The following NEGR1 variants were observed in gnomAD, a reference collection of about 807,000 sequenced individuals.
NEGR1 encodes IgLON family member 4.
In NEGR1, 10 loss-of-function variants were observed where a neutral mutation model predicts 40.9. That is an observed-to-expected ratio of 0.24 (90% confidence interval 0.15 to 0.42). The LOEUF is 0.42. Ranked by LOEUF, NEGR1 falls within the 10% of genes least tolerant of loss-of-function variation. The pLI, the probability that NEGR1 is intolerant of heterozygous loss-of-function variation, is 1.00. For missense variants in NEGR1, 352 were observed against 438.9 expected (o/e 0.80, Z 1.77); for synonymous variants, 185 against 166.8 (o/e 1.11, Z -0.84).
intron 3 of NEGR1, among the ~76,000 whole-genome samples, chr1:71,728,902 G>A (rs1368318784): frequency 6.6e-6 from 1 of 152,120 alleles, no homozygotes; most frequent in Non-Finnish European, 1.5e-5. Flanking sequence ...AGGAGGAGAA[G>A]GATAAGGGAG....
At chr1:71,597,817 G>T (rs1649775185) in intron 5 of NEGR1, among the ~76,000 whole-genome samples, 2 of 151,946 alleles carry the variant, frequency 1.3e-5, no homozygotes, top group Admixed American at 1.3e-4. Context: ...GAGGGCTGAG[G>T]CAGGAGAATT....
chr1:71,578,766 G>T (rs1469389588), intron 6 of NEGR1, among the ~76,000 whole-genome samples: 1 of 152,068 alleles, frequency 6.6e-6, no homozygotes, highest in Non-Finnish European at 1.5e-5. Context: ...TTAGAAAAAG[G>T]TTAAATATTT....
In NEGR1 at chr1:71,550,957, A is replaced by C. The variant is rs961579445; in HGVS notation, c.940+41860T>G. Among the ~76,000 whole-genome samples, 3 of 151,600 alleles carry C rather than the reference A, an allele frequency of 2.0e-5. No homozygotes were observed. In the East Asian group the frequency reaches 5.9e-4, roughly 30 times the overall value. On this transcript the variant is annotated intron_variant, in intron 6 of 6. Transcript: ENST00000357731. ...CTTAAGAATAACTTAGAACATCTAC[A>C]TCATGGGCATTATGTTGTCTCTCAG...
intron 1 of NEGR1, among the ~76,000 whole-genome samples, chr1:72,250,336 C>T (rs139944015): frequency 6.6e-6 from 1 of 152,004 alleles, no homozygotes; most frequent in Admixed American, 6.5e-5. Context: ...TAATATACTA[C>T]CCTTACCTTT....
chr1:72,212,656 A>ATCTTTGGATTATT (rs1467593258), intron 1 of NEGR1, among the ~76,000 whole-genome samples: 1 of 152,042 alleles, frequency 6.6e-6, no homozygotes, highest in Non-Finnish European at 1.5e-5. Flanking sequence ...AGAAGTAATA[A>ATCTTTGGATTATT]TCCAAATAGT....
intron 4 of NEGR1, among the ~76,000 whole-genome samples, chr1:71,642,640 C>G (rs995517885): frequency 1.3e-5 from 2 of 151,828 alleles, no homozygotes; most frequent in Admixed American, 6.6e-5. Flanking sequence ...TTTGAGATCA[C>G]AAATCAATGA....
intron 6 of NEGR1, among the ~76,000 whole-genome samples, chr1:71,476,380 T>C (rs1646820906): frequency 6.6e-6 from 1 of 152,130 alleles, no homozygotes; most frequent in African/African-American, 2.4e-5. Flanking sequence ...ATCTGGTGTG[T>C]AAATAATGTA....
chr1:71,959,509 A>T (rs928354768), intron 1 of NEGR1, among the ~76,000 whole-genome samples: 1 of 152,166 alleles, frequency 6.6e-6, no homozygotes, highest in Non-Finnish European at 1.5e-5. Context: ...AAAAACATGC[A>T]TGATAAATTG....
chr1:71,931,005 G>C (rs1055133633), intron 2 of NEGR1, among the ~76,000 whole-genome samples: 4 of 152,162 alleles, frequency 2.6e-5, no homozygotes, highest in African/African-American at 9.7e-5. Context: ...CTGCAGCTGA[G>C]GCTATCCTCA....
chr1:71,898,958 ATATAGCATATATAT>A (rs1661057188), intron 2 of NEGR1, among the ~76,000 whole-genome samples: 2 of 99,540 alleles, frequency 2.0e-5, no homozygotes, highest in South Asian at 4.0e-4. Flanking sequence ...AAATATATAT[ATATAGCATATATAT>A]ATATATAGCA....
At chr1:71,916,569 A>G (rs1023978566) in intron 2 of NEGR1, among the ~76,000 whole-genome samples, 1 of 152,130 alleles carries the variant, frequency 6.6e-6, no homozygotes, top group East Asian at 1.9e-4. Context: ...CCTGGCCAAC[A>G]TGGTAAAACA....
At chr1:71,599,911 C>T (rs1649858059) in intron 5 of NEGR1, among the ~76,000 whole-genome samples, 1 of 152,116 alleles carries the variant, frequency 6.6e-6, no homozygotes, top group African/African-American at 2.4e-5. Context: ...TTCCTGTATC[C>T]CTGGCAACCT....
At chr1:71,791,881 T>C (rs192692752) in intron 2 of NEGR1, among the ~76,000 whole-genome samples, 22 of 152,172 alleles carry the variant, frequency 1.4e-4, no homozygotes, top group Admixed American at 2.0e-4. Flanking sequence ...CTTTGAATAA[T>C]GGAACAAATT....
At chr1:71,780,909 G>A (rs1014802134) in intron 2 of NEGR1, among the ~76,000 whole-genome samples, 2 of 152,140 alleles carry the variant, frequency 1.3e-5, no homozygotes, top group African/African-American at 4.8e-5. Flanking sequence ...GGCCAGGTAT[G>A]AGTCACTTTC....
At chr1:71,747,897 A>G (rs1161048080) in intron 3 of NEGR1, among the ~76,000 whole-genome samples, 1 of 151,704 alleles carries the variant, frequency 6.6e-6, no homozygotes, top group Non-Finnish European at 1.5e-5. Flanking sequence ...AGTTTTAGGG[A>G]AAAAAATAGA....
At chr1:71,574,187 A>G (rs1166252761) in intron 6 of NEGR1, among the ~76,000 whole-genome samples, 1 of 152,218 alleles carries the variant, frequency 6.6e-6, no homozygotes, top group Non-Finnish European at 1.5e-5. Flanking sequence ...ACACTACTGC[A>G]TGTACACACA....
intron 3 of NEGR1, among the ~76,000 whole-genome samples, chr1:71,701,817 GTTA>G: frequency 6.6e-6 from 1 of 152,152 alleles, no homozygotes; most frequent in Non-Finnish European, 1.5e-5. Context: ...AATTGCTGAA[GTTA>G]TTAATCTCTC....
intron 2 of NEGR1, among the ~76,000 whole-genome samples, chr1:71,863,138 CACAT>C (rs1342611114): frequency 6.6e-6 from 1 of 152,222 alleles, no homozygotes; most frequent in East Asian, 1.9e-4. Context: ...GTTATAAAGA[CACAT>C]GCATGCATAT....
At chr1:71,836,480 G>GTA (rs10668432) in intron 2 of NEGR1, among the ~76,000 whole-genome samples, 50,580 of 144,278 alleles carry the variant, frequency 0.35, 8,959 homozygotes, top group Middle Eastern at 0.45. Context: ...ATATATATGT[G>GTA]TATATATATA....
Sources: gnomAD v4.1 joint callset for allele counts (sites outside exome capture counted in the v4.1 genomes callset) on GRCh38, gnomAD v4.1.1 for gene constraint, MANE v1.5 for transcripts, NCBI Gene and HGNC (gene_info 2026-07-23, HGNC 2026-07-21) for gene names.